KANSL1: variants seen among roughly 807,000 people sequenced by gnomAD.
The protein encoded by KANSL1 is KAT8 regulatory NSL complex subunit 1.
A neutral mutation model predicts 103.6 loss-of-function variants in KANSL1; 22 were observed. The observed-to-expected ratio is 0.21, with a 90% CI of 0.15 to 0.30. The LOEUF (loss-of-function observed/expected upper bound fraction) is 0.30. KANSL1 is among the 10% of genes least tolerant of loss of function. The pLI is 1.00. For missense variants in KANSL1, 1,337 were observed against 1,399.8 expected, an observed-to-expected ratio of 0.96 and a Z score of 0.72; for synonymous variants, 600 against 527.6, an observed-to-expected ratio of 1.14 and a Z score of -1.88.
chr17:46,197,186 G>A (rs2047640417), upstream of KANSL1, among the ~76,000 whole-genome samples: 1 of 152,206 alleles, frequency 6.6e-6, no homozygotes, highest in Non-Finnish European at 1.5e-5. Context: ...CTTACACACA[G>A]CTCTGTATCC....
At chr17:46,114,867 G>A (rs1272614909) in intron 2 of KANSL1, among the ~76,000 whole-genome samples, 2 of 152,170 alleles carry the variant, frequency 1.3e-5, no homozygotes, top group East Asian at 3.8e-4. Context: ...AGGAGGTTAT[G>A]AATTATATCA....
intron 7 of KANSL1, chr17:46,042,840 G>C (rs2077373415): frequency 3.3e-5 from 5 of 151,684 alleles, no homozygotes; most frequent in Non-Finnish European, 5.9e-5. Flanking sequence ...TTCCCAGTGG[G>C]TAAGCACCCT....
At chr17:46,176,859 T>C (rs2046544911) in intron 1 of KANSL1, among the ~76,000 whole-genome samples, 1 of 151,722 alleles carries the variant, frequency 6.6e-6, no homozygotes, top group Non-Finnish European at 1.5e-5. Context: ...ACTAAAACAA[T>C]CATCTAAGTA....
chr17:46,133,681 T>C (rs183963351), intron 2 of KANSL1, among the ~76,000 whole-genome samples: 2 of 152,326 alleles, frequency 1.3e-5, no homozygotes, highest in Non-Finnish European at 2.9e-5. Context: ...AAAATAGTTG[T>C]TAAAAGTTTG....
chr17:46,182,103 G>A (rs1466326405), intron 1 of KANSL1, among the ~76,000 whole-genome samples: 3 of 152,104 alleles, frequency 2.0e-5, no homozygotes, highest in African/African-American at 4.8e-5. Context: ...CTTCTTTAGC[G>A]TGCTAACTTT....
chr17:46,030,395 C>G lies in KANSL1; in HGVS notation c.*1081G>C, dbSNP rs946596612. ...GCCAAAAAAAAAGAGTCTTCTCCCC[C>G]CTCCCCCTTTTTGGTGATGTGATCA... On this transcript the variant is annotated 3_prime_UTR_variant, in exon 15 of 15. Transcript: ENST00000432791. 1 of 151,962 alleles carries G rather than the reference C, an allele frequency of 6.6e-6. No homozygotes were observed. Among genetic ancestry groups the G allele is most frequent in the Non-Finnish European group, 1.5e-5 (1 of 68,008 alleles). 9.4% of individuals were successfully genotyped at this position (151,962 alleles called of 1,614,324 possible).
At chr17:46,156,374 G>C (rs150629405) in intron 2 of KANSL1, among the ~76,000 whole-genome samples, 4 of 152,178 alleles carry the variant, frequency 2.6e-5, no homozygotes, top group African/African-American at 7.2e-5. Flanking sequence ...GAATACTCCA[G>C]ATCATCCAGA....
intron 6 of KANSL1, among the ~76,000 whole-genome samples, chr17:46,052,429 AC>A (rs879862437): frequency 1.1e-4 from 17 of 151,854 alleles, no homozygotes; most frequent in Admixed American, 9.8e-4. Context: ...ACATGGTGAA[AC>A]CCCGACTCTA....
At chr17:46,125,085 AGAGGGAGGGAGGGAGAGAGG>A (rs2043485498) in intron 2 of KANSL1, among the ~76,000 whole-genome samples, 1 of 33,946 alleles carries the variant, frequency 2.9e-5, no homozygotes, top group Non-Finnish European at 4.9e-5. Flanking sequence ...AGGGAGGGAG[AGAGGGAGGGAGGGAGAGAGG>A]GAGGGAGGGA....
chr17:46,106,078 GA>G (rs2042553941), intron 2 of KANSL1, among the ~76,000 whole-genome samples: 1 of 152,200 alleles, frequency 6.6e-6, no homozygotes, highest in Non-Finnish European at 1.5e-5. Context: ...AAGAATGAGA[GA>G]ATTTTAATAC....
Position 46,100,073 on chromosome 17 carries a change from T to C in KANSL1, c.1290-5372A>G, listed in dbSNP as rs2042243906. Among the ~76,000 whole-genome samples the C allele has an allele frequency of 5.9e-5, 9 of 152,324 alleles. No homozygotes were observed. In the South Asian group the frequency reaches 1.9e-3, roughly 32 times the overall value. ...TGAACTTGTACTTTAATCGTTCTTT[T>C]TACACAGTTAGACTATTACCACAGA... On this transcript the variant is annotated intron_variant, in intron 2 of 14. Coordinates refer to ENST00000432791, the MANE Select transcript of KANSL1 (RefSeq NM_015443.4).
chr17:46,109,560 T>G (rs1227014911), intron 2 of KANSL1, among the ~76,000 whole-genome samples: 1 of 152,200 alleles, frequency 6.6e-6, no homozygotes, highest in Non-Finnish European at 1.5e-5. Context: ...TAAGAAATAA[T>G]TTTTAATGAC....
chr17:46,115,775 A>T (rs1598658885), intron 2 of KANSL1, among the ~76,000 whole-genome samples: 1 of 152,246 alleles, frequency 6.6e-6, no homozygotes, highest in Admixed American at 6.5e-5. Flanking sequence ...GCATTTAAAA[A>T]ACATACCCAG....
chr17:46,204,950 T>TA (rs1191218031), intron 1 of KANSL1, among the ~76,000 whole-genome samples: 3 of 152,088 alleles, frequency 2.0e-5, no homozygotes, highest in African/African-American at 2.4e-5. Flanking sequence ...TTCAATCTAA[T>TA]AAAAAATACC....
At chr17:46,038,358 G>C (rs1568373011) in intron 10 of KANSL1, 180 bp downstream of exon 10, 1 of 638,372 alleles carries the variant, frequency 1.6e-6, no homozygotes, top group Non-Finnish European at 2.6e-6. Context: ...AACAACAGAA[G>C]GTCAAGTACC....
chr17:46,116,212 C>G (rs2043038927), intron 2 of KANSL1, among the ~76,000 whole-genome samples: 1 of 152,134 alleles, frequency 6.6e-6, no homozygotes, highest in East Asian at 1.9e-4. Context: ...GTAAAGTCCT[C>G]AAAGGAAACA....
chr17:46,188,593 CT>C (rs1444497059), intron 1 of KANSL1, among the ~76,000 whole-genome samples: 2 of 152,212 alleles, frequency 1.3e-5, no homozygotes, highest in African/African-American at 4.8e-5. Flanking sequence ...AGAACCTGCC[CT>C]GTACTCCTTT....
At chr17:46,033,671 G>C (rs2077072505) in intron 11 of KANSL1, among the ~76,000 whole-genome samples, 1 of 152,198 alleles carries the variant, frequency 6.6e-6, no homozygotes, top group African/African-American at 2.4e-5. Context: ...GGCCAGAAAT[G>C]AGAGAAGCGG....
intron 2 of KANSL1, among the ~76,000 whole-genome samples, chr17:46,118,423 T>C (rs949234189): frequency 2.6e-5 from 4 of 152,254 alleles, no homozygotes; most frequent in African/African-American, 7.2e-5. Flanking sequence ...TTGGTTCATT[T>C]ACATTAGATG....
Sources: allele counts gnomAD v4.1 joint callset (sites outside exome capture counted in the v4.1 genomes callset), GRCh38; gene constraint gnomAD v4.1.1; transcripts MANE v1.5; gene names NCBI Gene and HGNC (gene_info 2026-07-23, HGNC 2026-07-21).